The following MAPK1IP1L variants were observed in gnomAD, a reference collection of about 807,000 sequenced individuals.
MAPK1IP1L encodes MAPK-interacting and spindle-stabilizing protein-like.
A neutral mutation model predicts 18.1 loss-of-function variants in MAPK1IP1L; 10 were observed. The observed-to-expected ratio is 0.55, with a 90% CI of 0.34 to 0.94. MAPK1IP1L has a LOEUF of 0.94. Among genes scored for constraint, MAPK1IP1L ranks in the 40% least tolerant of loss-of-function variants. The pLI, the probability that MAPK1IP1L is intolerant of heterozygous loss-of-function variation, is 0.02. For missense variants in MAPK1IP1L, 260 were observed against 318.2 expected, an observed-to-expected ratio of 0.82 and a Z score of 1.39; for synonymous variants, 115 against 117.3, an observed-to-expected ratio of 0.98 and a Z score of 0.13.
chr14:55,056,255 T>A (rs1317431248), intron 1 of MAPK1IP1L, among the ~76,000 whole-genome samples: 6 of 152,186 alleles, frequency 3.9e-5, no homozygotes, highest in Admixed American at 3.9e-4. Context: ...ATTTATGTAA[T>A]TCCATGACTA....
At chr14:55,055,026 AG>A (rs1203688855) in intron 1 of MAPK1IP1L, among the ~76,000 whole-genome samples, 1 of 152,120 alleles carries the variant, frequency 6.6e-6, no homozygotes, top group African/African-American at 2.4e-5. Context: ...AAGAAAAAAA[AG>A]AAAGCCTTTC....
Position 55,066,788 on chromosome 14 carries a change from C to G in MAPK1IP1L, c.*2161C>G, listed in dbSNP as rs1257865143. On this transcript the variant is annotated 3_prime_UTR_variant, in exon 4 of 4. Transcript: ENST00000395468. Reference sequence around the variant, plus strand: ...TGAACACAATTTGGGATTATTACTCCCTATAAGTATAATAATTTTGCTAGT... The same window carrying G: ...TGAACACAATTTGGGATTATTACTCGCTATAAGTATAATAATTTTGCTAGT... 1.3e-5 allele frequency: 2 copies of G among 152,088 alleles called. No individual in the cohort carries two copies. Among genetic ancestry groups the G allele is most frequent in the African/African-American group, 4.8e-5 (2 of 41,384 alleles). 9.4% of individuals were successfully genotyped at this position (152,088 alleles called of 1,614,324 possible). A position where few individuals can be genotyped will look rare whatever the true frequency, so the allele number is the denominator to read the frequency against.
At chr14:55,054,469 A>C (rs1036270116) in intron 1 of MAPK1IP1L, among the ~76,000 whole-genome samples, 1 of 152,180 alleles carries the variant, frequency 6.6e-6, no homozygotes, top group African/African-American at 2.4e-5. Context: ...AGTACGATAC[A>C]TATCATCCCC....
At chr14:55,057,491 G>A (rs2042780707) in intron 1 of MAPK1IP1L, among the ~76,000 whole-genome samples, 1 of 152,216 alleles carries the variant, frequency 6.6e-6, no homozygotes. Flanking sequence ...GGGCGCAGTG[G>A]CTCACGCCTG....
rs1350707234 is a variant in MAPK1IP1L, at chr14:55,062,839, A to G, written c.240A>G (p.Pro80=). The change falls in exon 3 of 4, where the codon CCA becomes CCG. Residue 80 remains proline, a synonymous_variant. Coordinates refer to ENST00000395468, the MANE Select transcript of MAPK1IP1L (RefSeq NM_144578.4). ...ATCCCTCCGTGCCTCCCACCGGACC[A>G]CCTCCAGGACCCCCAGCACCCTTTC... The part of the protein sequence containing the change: ...GMYPSVPPTG[P]PPGPPAPFPP... 9 of 1,613,762 alleles carry G rather than the reference A, an allele frequency of 5.6e-6. No individual in the cohort carries two copies. The Admixed American group carries it at 1.5e-4, about 27-fold the overall frequency.
rs2042884564 is a variant in MAPK1IP1L at position 55,068,764 on chromosome 14, G to A, written c.*4137G>A. 2 of 152,154 alleles carry A rather than the reference G, an allele frequency of 1.3e-5. No homozygotes were observed. The highest frequency in any genetic ancestry group is 1.3e-4 in the Admixed American group (2 of 15,274). The allele number at this position is 152,154 out of a possible 1,614,324, so 9.4% of individuals were successfully genotyped here. A position where few individuals can be genotyped will look rare whatever the true frequency, so the allele number is the denominator to read the frequency against. ...TAAAATAATCAGTATTTTGTAAATG[G>A]CAGGCAAGCTTCTGGCTGTCGAAAA... On this transcript the variant is annotated 3_prime_UTR_variant, in exon 4 of 4. Coordinates refer to ENST00000395468, the MANE Select transcript of MAPK1IP1L (RefSeq NM_144578.4).
At position 55,051,787 on chromosome 14, in the gene MAPK1IP1L, G is replaced by A. The variant is rs1247186173; in HGVS notation, c.-21G>A. The A allele has an allele frequency of 2.8e-5, 14 of 501,124 alleles. 1 individual carries two copies. Among genetic ancestry groups the A allele is most frequent in the South Asian group, 2.0e-4 (14 of 70,518 alleles). The allele number at this position is 501,124 out of a possible 1,614,324, so 31.0% of individuals were successfully genotyped here. A position where few individuals can be genotyped will look rare whatever the true frequency, so the allele number is the denominator to read the frequency against. On this transcript the variant is annotated 5_prime_UTR_variant, in exon 1 of 4. Coordinates refer to ENST00000395468, the MANE Select transcript of MAPK1IP1L (RefSeq NM_144578.4). ...ATCGCCGCTTCTAGACCCTACTGCG[G>A]TCTCGGATATTGCCGGGTGAGGCTG...
chr14:55,052,048 G>A (rs1042348502), intron 1 of MAPK1IP1L, among the ~76,000 whole-genome samples: 3 of 152,160 alleles, frequency 2.0e-5, no homozygotes, highest in African/African-American at 7.2e-5. Context: ...GGCCGCTGAC[G>A]TCGCGCCCGA....
chr14:55,061,584 A>G, intron 1 of MAPK1IP1L, 96 bp from the exon 2 acceptor site: 2 of 791,674 alleles, frequency 2.5e-6, no homozygotes, highest in Non-Finnish European at 2.0e-6. Flanking sequence ...AGTAATAATA[A>G]TGTATGCATA....
intron 1 of MAPK1IP1L, among the ~76,000 whole-genome samples, chr14:55,054,201 C>T (rs2042752861): frequency 1.6e-5 from 2 of 127,726 alleles, no homozygotes; most frequent in Non-Finnish European, 1.6e-5. Context: ...TTTTTGGAGA[C>T]GGAGTCGCTT....
Position 55,063,080 on chromosome 14 carries a change from T to C in MAPK1IP1L, c.481T>C (p.Tyr161His). 6.2e-7 allele frequency: 1 copy of C among 1,613,358 alleles called. No homozygotes were observed. The highest frequency in any genetic ancestry group is 8.5e-7 in the Non-Finnish European group (1 of 1,179,928). The change falls in exon 3 of 4, where the codon TAT becomes CAT. Residue 161 changes from tyrosine to histidine, a missense_variant. Tyr to His is a moderately conservative substitution (Grantham distance 83). Transcript: ENST00000395468. ...GPWAPGMGGQYPTPNMPYPSP... is the reference protein window; with the variant it reads ...GPWAPGMGGQHPTPNMPYPSP... ...TTGGGCGCCAGGAATGGGAGGGCAG[T>C]ATCCTACCCCTAATATGCCATATCC...
chr14:55,052,172 G>A (rs1164187635), intron 1 of MAPK1IP1L, among the ~76,000 whole-genome samples: 2 of 126,990 alleles, frequency 1.6e-5, no homozygotes, highest in African/African-American at 6.0e-5. Flanking sequence ...GGTTCGCTCC[G>A]GTTGATCCCG....
Position 55,066,907 on chromosome 14 carries a change from T to C in MAPK1IP1L, c.*2280T>C, listed in dbSNP as rs2042866462. The stretch of plus-strand genomic sequence containing the variant: ...AACTGGTATTTGGGGGAGATTTTTT[T>C]TTTTTTTTGAGACGGAGTCTCGCTC... On this transcript the variant is annotated 3_prime_UTR_variant, in exon 4 of 4. Coordinates refer to ENST00000395468, the MANE Select transcript of MAPK1IP1L (RefSeq NM_144578.4). 1 of 152,422 alleles carries C rather than the reference T, an allele frequency of 6.6e-6. No individual in the cohort carries two copies. Among genetic ancestry groups the C allele is most frequent in the African/African-American group, 2.4e-5 (1 of 41,368 alleles). 9.4% of individuals were successfully genotyped at this position (152,422 alleles called of 1,614,324 possible). A position where few individuals can be genotyped will look rare whatever the true frequency, so the allele number is the denominator to read the frequency against.
Position 55,068,604 on chromosome 14 carries a change from T to G in MAPK1IP1L, c.*3977T>G. 6.6e-6 allele frequency: 1 copy of G among 152,186 alleles called. No individual in the cohort carries two copies. The highest frequency in any genetic ancestry group is 1.9e-4 in the East Asian group (1 of 5,194). The allele number at this position is 152,186 out of a possible 1,614,324, so 9.4% of individuals were successfully genotyped here. ...AAGCCTAAATTCAGATAAATCACAC[T>G]GATATATTGTACTATGCATAGAAAG... On this transcript the variant is annotated 3_prime_UTR_variant, in exon 4 of 4. Transcript: ENST00000395468.
In MAPK1IP1L at chr14:55,051,700, G is replaced by C. The variant is rs1255957447; in HGVS notation, c.-108G>C. ...GCGCGCTGCTGGTGCTGTTGCCGCCGCTGCTCTAGCTGCCGTCAGTCAGGC... is the reference window on the plus strand; with the variant it reads ...GCGCGCTGCTGGTGCTGTTGCCGCCCCTGCTCTAGCTGCCGTCAGTCAGGC... On this transcript the variant is annotated 5_prime_UTR_variant, in exon 1 of 4. Transcript: ENST00000395468. 1 of 516,194 alleles carries C rather than the reference G, an allele frequency of 1.9e-6. No individual in the cohort carries two copies. Among genetic ancestry groups the C allele is most frequent in the South Asian group, 1.4e-5 (1 of 71,458 alleles). 32.0% of individuals were successfully genotyped at this position (516,194 alleles called of 1,614,324 possible). A position where few individuals can be genotyped will look rare whatever the true frequency, so the allele number is the denominator to read the frequency against.
intron 1 of MAPK1IP1L, among the ~76,000 whole-genome samples, chr14:55,053,250 T>C (rs2042744661): frequency 1.3e-5 from 2 of 152,214 alleles, no homozygotes; most frequent in African/African-American, 4.8e-5. Context: ...GTGGGTACGA[T>C]TCCGATCTTC....
chr14:55,064,560 T>C, intron 3 of MAPK1IP1L, 56 bp from the exon 4 acceptor site: 1 of 1,520,746 alleles, frequency 6.6e-7, no homozygotes, highest in East Asian at 2.3e-5. Flanking sequence ...CAGTAAGGAG[T>C]TAATAAACTC....
intron 2 of MAPK1IP1L, 41 bp from the exon 3 acceptor site, chr14:55,062,577 T>C (rs1480864702): frequency 6.6e-7 from 1 of 1,522,214 alleles, no homozygotes; most frequent in Non-Finnish European, 8.9e-7. Flanking sequence ...TCGATGTAAC[T>C]TTTCCCTAGA....
chr14:55,052,976 A>G (rs2042742524), intron 1 of MAPK1IP1L, among the ~76,000 whole-genome samples: 1 of 152,228 alleles, frequency 6.6e-6, no homozygotes, highest in East Asian at 1.9e-4. Context: ...TAACACCCCC[A>G]GCAGAGTGGG....
Sources: allele counts gnomAD v4.1 joint callset (sites outside exome capture counted in the v4.1 genomes callset), GRCh38; gene constraint gnomAD v4.1.1; transcripts MANE v1.5; gene names NCBI Gene and HGNC (gene_info 2026-07-23, HGNC 2026-07-21).